Variants in NTN1 observed in about 807,000 individuals in gnomAD.
NTN1 encodes netrin-1.
NTN1 carries 11 observed loss-of-function variants against 54.2 expected under a neutral mutation model. That is an observed-to-expected ratio of 0.20 (90% CI 0.13 to 0.34). The LOEUF (loss-of-function observed/expected upper bound fraction) is 0.34. Among genes scored for constraint, NTN1 ranks in the 10% least tolerant of loss-of-function variants. The probability of loss-of-function intolerance (pLI) is 1.00; values close to 1 mark genes in which losing one functional copy is unlikely to be tolerated. For missense variants in NTN1, 740 were observed against 893.1 expected (o/e 0.83, Z 2.18); for synonymous variants, 371 against 382.0 (o/e 0.97, Z 0.33).
chr17:9,229,004 CTG>C (rs1473661829), intron 6 of NTN1, among the ~76,000 whole-genome samples: 51 of 131,992 alleles, frequency 3.9e-4, no homozygotes, highest in Admixed American at 8.9e-4. Context: ...GATTCTGTGA[CTG>C]TAAGTGTGAC....
At chr17:9,012,423 A>G in the NTN1 span, among the ~76,000 whole-genome samples, 3 of 152,092 alleles carry the variant, frequency 2.0e-5, no homozygotes, top group African/African-American at 7.2e-5. Flanking sequence ...AGGCAGGAGA[A>G]TCACTTGAAC....
At chr17:9,186,143 A>G (rs2092432374) in intron 5 of NTN1, among the ~76,000 whole-genome samples, 1 of 151,926 alleles carries the variant, frequency 6.6e-6, no homozygotes, top group Admixed American at 6.6e-5. Flanking sequence ...CTGGGGCAGG[A>G]GGTGGGGCCA....
chr17:9,195,973 T>C (rs8069330), intron 5 of NTN1, among the ~76,000 whole-genome samples: 75,309 of 151,966 alleles, frequency 0.5, 18,948 homozygotes, highest in Middle Eastern at 0.54. Context: ...TGCAAGCCAT[T>C]TGTTAGTCCT....
At chr17:9,050,795 T>A (rs185272520) in intron 2 of NTN1, among the ~76,000 whole-genome samples, 36 of 151,920 alleles carry the variant, frequency 2.4e-4, no homozygotes, top group African/African-American at 8.0e-4. Flanking sequence ...TGTCCTAGGA[T>A]CACTGGAAGG....
intron 5 of NTN1, among the ~76,000 whole-genome samples, chr17:9,199,925 T>C (rs1904735114): frequency 6.6e-6 from 1 of 152,212 alleles, no homozygotes; most frequent in Non-Finnish European, 1.5e-5. Flanking sequence ...TTGTAGGAAG[T>C]AGTTTAGCCC....
chr17:9,044,752 A>G (rs1189588516), intron 2 of NTN1, among the ~76,000 whole-genome samples: 1 of 151,694 alleles, frequency 6.6e-6, no homozygotes, highest in Non-Finnish European at 1.5e-5. Flanking sequence ...AAAAAAAAAT[A>G]TTCATGGAAG....
chr17:9,111,264 C>G (rs764383478), intron 2 of NTN1, among the ~76,000 whole-genome samples: 3 of 152,136 alleles, frequency 2.0e-5, no homozygotes, highest in Non-Finnish European at 2.9e-5. Flanking sequence ...AGATCCTTGA[C>G]TTAATTACAT....
rs1297571323 is a variant in NTN1 at position 9,242,012 on chromosome 17, G to A, written c.*2044G>A. On this transcript the variant is annotated 3_prime_UTR_variant, in exon 7 of 7. Coordinates refer to ENST00000173229, the MANE Select transcript of NTN1 (RefSeq NM_004822.3). ...ACACTGGCATCTGGGCTGGAGAACAGGAGCCCGGGGTGGGGTAGGGCATGG... is the reference window on the plus strand; with the variant it reads ...ACACTGGCATCTGGGCTGGAGAACAAGAGCCCGGGGTGGGGTAGGGCATGG... 1 of 152,466 alleles carries A rather than the reference G, an allele frequency of 6.6e-6. No homozygotes were observed. Among genetic ancestry groups the A allele is most frequent in the African/African-American group, 2.4e-5 (1 of 41,466 alleles). The allele number at this position is 152,466 out of a possible 1,614,324, so 9.4% of individuals were successfully genotyped here.
intron 5 of NTN1, among the ~76,000 whole-genome samples, chr17:9,188,259 T>G (rs570888220): frequency 2.0e-5 from 3 of 152,208 alleles, no homozygotes; most frequent in South Asian, 2.1e-4. Flanking sequence ...TGAAACCCCA[T>G]CTCTACTAAA....
rs9889875 is a variant in NTN1 at position 9,243,942 on chromosome 17, T to C, written c.*3974T>C. The C allele has an allele frequency of 0.85, 127,794 of 149,728 alleles. 55,219 individuals carry two copies. The highest frequency in any genetic ancestry group is 0.93 in the Non-Finnish European group (62,851 of 67,894). 9.3% of individuals were successfully genotyped at this position (149,728 alleles called of 1,614,324 possible). On this transcript the variant is annotated 3_prime_UTR_variant, in exon 7 of 7. Transcript: ENST00000173229. ...TAATGGACCCAGATGGAACTTGTAA[T>C]GTGGGCCCCACATGATAGAACTAAA...
rs145787127 is a variant in NTN1 at position 9,239,097 on chromosome 17, G to A, written c.1487-543G>A. On this transcript the variant is annotated intron_variant, in intron 6 of 6. Coordinates refer to ENST00000173229, the MANE Select transcript of NTN1 (RefSeq NM_004822.3). The surrounding 1 kb of genome is among the most constrained non-coding windows in gnomAD (Gnocchi z 5.2). ...GCAGTCCAAGGTTCCCGGGGCTCTG[G>A]AAAAGGCACTACGGCCACCCCAAAG... is the stretch of plus-strand genomic sequence containing the variant. Among the ~76,000 whole-genome samples, 1,527 of 152,296 alleles carry A rather than the reference G, an allele frequency of 0.01. 15 individuals carry two copies. Among genetic ancestry groups the A allele is most frequent in the Middle Eastern group, 0.027 (8 of 294 alleles).
chr17:9,032,818 A>T (rs1032197441), intron 2 of NTN1, among the ~76,000 whole-genome samples: 6 of 152,068 alleles, frequency 3.9e-5, no homozygotes, highest in African/African-American at 1.4e-4. Flanking sequence ...GATCTCAGCC[A>T]ACTCTTTATT....
intron 2 of NTN1, among the ~76,000 whole-genome samples, chr17:9,132,504 A>C (rs776462106): frequency 6.6e-6 from 1 of 152,182 alleles, no homozygotes; most frequent in Non-Finnish European, 1.5e-5. Context: ...CACCCTGTTC[A>C]TCTTTGTGCC....
chr17:9,114,559 C>A (rs2092204313), intron 2 of NTN1, among the ~76,000 whole-genome samples: 1 of 151,918 alleles, frequency 6.6e-6, no homozygotes, highest in African/African-American at 2.4e-5. Context: ...TCGAGACCAG[C>A]CTGGCCAACA....
At chr17:9,203,593 G>A (rs1204927597) in intron 5 of NTN1, among the ~76,000 whole-genome samples, 1 of 152,018 alleles carries the variant, frequency 6.6e-6, no homozygotes, top group Non-Finnish European at 1.5e-5. Flanking sequence ...GAGGTCAGGA[G>A]CTTGAGAGCA....
intron 2 of NTN1, among the ~76,000 whole-genome samples, chr17:9,096,267 T>G (rs2092131548): frequency 2.0e-5 from 3 of 152,072 alleles, no homozygotes; most frequent in Admixed American, 6.6e-5. Context: ...TCCAATTGTT[T>G]GCTATTGGTA....
chr17:9,186,512 C>T (rs2092433155), intron 5 of NTN1, among the ~76,000 whole-genome samples: 1 of 152,262 alleles, frequency 6.6e-6, no homozygotes, highest in Non-Finnish European at 1.5e-5. Flanking sequence ...ACTCTGTCTT[C>T]ACGAGGCACT....
At position 9,241,619 on chromosome 17, in the gene NTN1, C is replaced by T; in HGVS notation, c.*1651C>T. 6.6e-6 allele frequency: 1 copy of T among 152,424 alleles called. No homozygotes were observed. Among genetic ancestry groups the T allele is most frequent in the Non-Finnish European group, 1.5e-5 (1 of 68,098 alleles). 9.4% of individuals were successfully genotyped at this position (152,424 alleles called of 1,614,324 possible). ...GGGTCATACCAAGTATGAAGCTCGG[C>T]CCCCGGTGGTCTGGCTTCCCTCCGC... On this transcript the variant is annotated 3_prime_UTR_variant, in exon 7 of 7. Transcript: ENST00000173229.
intron 2 of NTN1, among the ~76,000 whole-genome samples, chr17:9,131,054 C>T (rs936964297): frequency 3.9e-5 from 6 of 152,092 alleles, no homozygotes; most frequent in African/African-American, 4.8e-5. Context: ...GCTCTTTCTC[C>T]GCTCTGCCAG....
Sources: gnomAD v4.1 joint callset for allele counts (sites outside exome capture counted in the v4.1 genomes callset) on GRCh38, gnomAD v4.1.1 for gene constraint, Gnocchi (gnomAD v3.1) non-coding constraint, MANE v1.5 for transcripts, NCBI Gene and HGNC (gene_info 2026-07-23, HGNC 2026-07-21) for gene names.